The following MAD1L1 variants were observed in gnomAD, a reference collection of about 807,000 sequenced individuals.
MAD1L1 encodes mitotic spindle assembly checkpoint protein MAD1.
In MAD1L1, 95 loss-of-function variants were observed where a neutral mutation model predicts 96.9. The ratio of observed to expected loss-of-function variants is 0.98; its 90% CI spans 0.83 to 1.16. The LOEUF (loss-of-function observed/expected upper bound fraction) is 1.16. Among genes scored for constraint, MAD1L1 ranks in the 50% most tolerant of loss-of-function variants. MAD1L1 has a pLI of 0.00. For synonymous variants in MAD1L1, 473 were observed against 396.6 expected (o/e 1.19, Z -2.29); for missense variants, 1,007 against 954.4 (o/e 1.06, Z -0.73).
chr7:1,911,493 A>G (rs544741833), intron 17 of MAD1L1, among the ~76,000 whole-genome samples: 1 of 152,288 alleles, frequency 6.6e-6, no homozygotes, highest in South Asian at 2.1e-4. Flanking sequence ...CTACAAGTCC[A>G]CAGTCCTCCC....
intron 17 of MAD1L1, among the ~76,000 whole-genome samples, chr7:1,901,536 C>G (rs1307731599): frequency 6.6e-6 from 1 of 152,214 alleles, no homozygotes; most frequent in Non-Finnish European, 1.5e-5. Flanking sequence ...AACAGCAGTG[C>G]ATGGGCTGAG....
intron 17 of MAD1L1, among the ~76,000 whole-genome samples, chr7:1,899,666 G>A (rs1005091657): frequency 9.1e-4 from 139 of 152,196 alleles, no homozygotes; most frequent in Non-Finnish European, 1.0e-4. Flanking sequence ...CAGAAAGGGT[G>A]TGGGGTCCCC....
chr7:1,857,571 G>A (rs1411574910), intron 18 of MAD1L1, among the ~76,000 whole-genome samples: 1 of 152,226 alleles, frequency 6.6e-6, no homozygotes, highest in African/African-American at 2.4e-5. Flanking sequence ...TGGGATGAAC[G>A]GGGCTCAGGT....
chr7:1,890,785 T>C (rs541962000), intron 18 of MAD1L1, among the ~76,000 whole-genome samples: 89 of 152,208 alleles, frequency 5.8e-4, no homozygotes, highest in Non-Finnish European at 1.3e-3. Flanking sequence ...CACTTTGTCC[T>C]TGGGGAGCTG....
intron 15 of MAD1L1, among the ~76,000 whole-genome samples, chr7:1,959,073 G>A (rs773767872): frequency 9.9e-5 from 15 of 152,244 alleles, no homozygotes; most frequent in South Asian, 6.2e-4. Flanking sequence ...CCAACATGGC[G>A]TAACCCCTTC....
chr7:2,075,245 C>A (rs1466668404), intron 11 of MAD1L1, among the ~76,000 whole-genome samples: 2 of 152,196 alleles, frequency 1.3e-5, no homozygotes, highest in African/African-American at 4.8e-5. Context: ...AAAGGCCCCC[C>A]ATCTAGCGTT....
At chr7:2,048,188 T>C (rs55770986) in intron 12 of MAD1L1, among the ~76,000 whole-genome samples, 21,995 of 152,242 alleles carry the variant, frequency 0.14, 1,951 homozygotes, top group South Asian at 0.29. Flanking sequence ...GGTGCACGCA[T>C]GTGCACACTG....
At chr7:2,135,391 T>C (rs1785562106) in intron 11 of MAD1L1, among the ~76,000 whole-genome samples, 1 of 152,266 alleles carries the variant, frequency 6.6e-6, no homozygotes, top group African/African-American at 2.4e-5. Context: ...CTGTCTCGTT[T>C]TGTGTTAGAA....
intron 11 of MAD1L1, chr7:2,148,336 G>C (rs944114107): frequency 1.3e-5 from 2 of 152,896 alleles, no homozygotes; most frequent in African/African-American, 4.8e-5. Context: ...CTCCCCTGGG[G>C]CCCCGTTGCA....
At chr7:1,843,793 G>A (rs60078905) in intron 18 of MAD1L1, among the ~76,000 whole-genome samples, 8,556 of 152,220 alleles carry the variant, frequency 0.056, 571 homozygotes, top group African/African-American at 0.16. Flanking sequence ...ACGTGGAGGC[G>A]AATTCACCTC....
intron 18 of MAD1L1, among the ~76,000 whole-genome samples, chr7:1,888,077 A>G (rs902416769): frequency 1.4e-5 from 2 of 138,006 alleles, no homozygotes. Flanking sequence ...GTGGCTGTGC[A>G]TGCATGAGCA....
chr7:1,818,375 C>T (rs199894033), intron 18 of MAD1L1, among the ~76,000 whole-genome samples: 4 of 151,978 alleles, frequency 2.6e-5, no homozygotes, highest in African/African-American at 9.7e-5. Flanking sequence ...GGAGCCTGGC[C>T]GTTCATTTCT....
intron 18 of MAD1L1, among the ~76,000 whole-genome samples, chr7:1,875,747 G>A (rs957088148): frequency 5.3e-5 from 8 of 152,224 alleles, no homozygotes; most frequent in African/African-American, 9.6e-5. Context: ...TGATGTAACC[G>A]AGCGGGGCTG....
At chr7:1,939,242 C>T (rs1778817668) in intron 16 of MAD1L1, among the ~76,000 whole-genome samples, 2 of 147,144 alleles carry the variant, frequency 1.4e-5, no homozygotes, top group South Asian at 2.2e-4. Flanking sequence ...CACACACACA[C>T]GGGCCAGGGC....
intron 11 of MAD1L1, among the ~76,000 whole-genome samples, chr7:2,089,661 GGCCCACCCCACAC>G (rs1351832527): frequency 1.3e-5 from 2 of 150,654 alleles, no homozygotes; most frequent in African/African-American, 2.4e-5. Flanking sequence ...CTGTCCCCGG[GGCCCACCCCACAC>G]GCCCACCCCA....
chr7:2,019,862 T>A (rs1363399443), intron 12 of MAD1L1, among the ~76,000 whole-genome samples: 2 of 151,432 alleles, frequency 1.3e-5, no homozygotes, highest in African/African-American at 2.4e-5. Flanking sequence ...CTCCTGTCTG[T>A]CCCTCGCTTC....
chr7:1,935,036 C>T (rs1263878802), intron 17 of MAD1L1, among the ~76,000 whole-genome samples: 1 of 152,178 alleles, frequency 6.6e-6, no homozygotes, highest in Non-Finnish European at 1.5e-5. Flanking sequence ...CGGGCAAACC[C>T]GAGACGGGCA....
intron 11 of MAD1L1, among the ~76,000 whole-genome samples, chr7:2,115,302 G>C (rs886553085): frequency 5.4e-5 from 8 of 149,194 alleles, no homozygotes; most frequent in Middle Eastern, 6.5e-3. Flanking sequence ...GTGTTCCGGG[G>C]TCAGAGGAGG....
At chr7:2,167,466 G>C (rs1019310991) in intron 10 of MAD1L1, among the ~76,000 whole-genome samples, 1 of 151,878 alleles carries the variant, frequency 6.6e-6, no homozygotes, top group African/African-American at 2.4e-5. Context: ...GGAGAATGGC[G>C]TGAACCCGGG....
Sources: gnomAD v4.1 joint callset for allele counts (sites outside exome capture counted in the v4.1 genomes callset) on GRCh38, gnomAD v4.1.1 for gene constraint, MANE v1.5 for transcripts, NCBI Gene and HGNC (gene_info 2026-07-23, HGNC 2026-07-21) for gene names.